CACNA2D1: variants seen among roughly 807,000 people sequenced by gnomAD.
CACNA2D1 encodes the protein calcium voltage-gated channel auxiliary subunit alpha2delta 1, also known as voltage-dependent calcium channel subunit alpha-2/delta-1.
Under a neutral mutation model 171.5 loss-of-function variants are expected in CACNA2D1, and 53 were observed. The ratio of observed to expected loss-of-function variants is 0.31; its 90% confidence interval spans 0.25 to 0.39. The LOEUF (loss-of-function observed/expected upper bound fraction) is 0.39. Ranked by LOEUF, CACNA2D1 falls within the 10% of genes least tolerant of loss-of-function variation. CACNA2D1 has a pLI of 1.00. For synonymous variants in CACNA2D1, 442 were observed against 443.1 expected, an observed-to-expected ratio of 1.00 and a Z score of 0.03; for missense variants, 903 against 1,299.8, an observed-to-expected ratio of 0.69 and a Z score of 4.69.
chr7:82,222,837 A>G (rs942774456), intron 3 of CACNA2D1, among the ~76,000 whole-genome samples: 17 of 151,908 alleles, frequency 1.1e-4, no homozygotes, highest in Admixed American at 2.0e-4. Context: ...ATATCCAAAT[A>G]AAATCAAAAT....
intron 17 of CACNA2D1, 105 bp downstream of exon 17, chr7:82,005,660 G>T: frequency 2.1e-6 from 2 of 930,728 alleles, no homozygotes; most frequent in Non-Finnish European, 1.8e-6. Flanking sequence ...TAGTTCCTTT[G>T]CTAAGATAAC....
At chr7:82,109,281 G>C (rs975677148) in intron 6 of CACNA2D1, among the ~76,000 whole-genome samples, 2 of 151,866 alleles carry the variant, frequency 1.3e-5, no homozygotes, top group Non-Finnish European at 2.9e-5. Context: ...AACTTAAGAA[G>C]GTCCTACTGA....
chr7:82,096,261 G>T (rs1399422066), intron 6 of CACNA2D1, among the ~76,000 whole-genome samples: 1 of 152,066 alleles, frequency 6.6e-6, no homozygotes, highest in Non-Finnish European at 1.5e-5. Flanking sequence ...AAACAAATGG[G>T]TGTGGCTGTG....
chr7:82,163,764 T>C (rs904157575), intron 4 of CACNA2D1, among the ~76,000 whole-genome samples: 8 of 152,102 alleles, frequency 5.3e-5, no homozygotes, highest in South Asian at 2.1e-4. Context: ...ACAACAGTAA[T>C]AGGAGCTGGC....
At chr7:82,332,513 A>AGAAG (rs1263297590) in intron 3 of CACNA2D1, among the ~76,000 whole-genome samples, 2 of 77,816 alleles carry the variant, frequency 2.6e-5, no homozygotes, top group African/African-American at 9.7e-5. Context: ...AGAAATATAA[A>AGAAG]GAAAGAAAGA....
chr7:82,414,584 T>C (rs570140948), intron 1 of CACNA2D1, among the ~76,000 whole-genome samples: 4 of 152,302 alleles, frequency 2.6e-5, no homozygotes, highest in Non-Finnish European at 4.4e-5. Flanking sequence ...TATAGAGCAT[T>C]CCATCCAGGG....
chr7:82,079,161 A>G (rs1809371970), intron 7 of CACNA2D1, among the ~76,000 whole-genome samples: 1 of 152,186 alleles, frequency 6.6e-6, no homozygotes. Flanking sequence ...AATCTGATAA[A>G]TGAAAATCAT....
intron 3 of CACNA2D1, among the ~76,000 whole-genome samples, chr7:82,262,031 T>C (rs1234439202): frequency 6.6e-6 from 1 of 152,200 alleles, no homozygotes; most frequent in Non-Finnish European, 1.5e-5. Flanking sequence ...GGAAGTTTCA[T>C]ATAAAAAATA....
chr7:82,404,726 G>T (rs1164050089), intron 1 of CACNA2D1, among the ~76,000 whole-genome samples: 1 of 152,122 alleles, frequency 6.6e-6, no homozygotes, highest in Non-Finnish European at 1.5e-5. Context: ...CTGCAGAAAA[G>T]AAAATCATAA....
chr7:82,438,777 T>C (rs1830286732), intron 1 of CACNA2D1, among the ~76,000 whole-genome samples: 1 of 152,156 alleles, frequency 6.6e-6, no homozygotes, highest in Admixed American at 6.6e-5. Flanking sequence ...GGCGATATAA[T>C]AGAACAAAGT....
chr7:82,365,304 A>G (rs538627836), intron 1 of CACNA2D1, among the ~76,000 whole-genome samples: 1 of 152,346 alleles, frequency 6.6e-6, no homozygotes, highest in Non-Finnish European at 1.5e-5. Context: ...ATTCATTGCA[A>G]CTTTTAAGGT....
chr7:81,992,415 CGT>C (rs1291432254), intron 20 of CACNA2D1, among the ~76,000 whole-genome samples: 1 of 151,582 alleles, frequency 6.6e-6, no homozygotes. Flanking sequence ...TGAATGTGTG[CGT>C]GTTTGTGTGT....
intron 3 of CACNA2D1, among the ~76,000 whole-genome samples, chr7:82,198,581 C>T (rs1799080576): frequency 6.6e-6 from 1 of 151,904 alleles, no homozygotes; most frequent in Non-Finnish European, 1.5e-5. Context: ...TTTAATGGAC[C>T]TAGGTTGCTA....
rs145954929 is a variant in CACNA2D1 at position 82,259,357 on chromosome 7, T to C, written c.294+75778A>G. 1.4e-4 allele frequency among the ~76,000 whole-genome samples: 21 copies of C among 152,294 alleles called. No individual in the cohort carries two copies. The East Asian group carries it at 3.9e-3, about 28-fold the overall frequency. ...TGTAATAGGGTTAAAATGTAAAATT[T>C]AGTTTTTAAATTTTATTTTAAATTA... On this transcript the variant is annotated intron_variant, in intron 3 of 38. Coordinates refer to ENST00000356860, the MANE Select transcript of CACNA2D1 (RefSeq NM_000722.4).
chr7:82,135,803 C>T (rs1324532683), intron 5 of CACNA2D1, among the ~76,000 whole-genome samples: 2 of 152,014 alleles, frequency 1.3e-5, no homozygotes, highest in African/African-American at 4.8e-5. Context: ...GTGTGAAAGA[C>T]ATGTAATACT....
At chr7:82,042,264 T>C (rs1804059463) in intron 10 of CACNA2D1, among the ~76,000 whole-genome samples, 1 of 152,216 alleles carries the variant, frequency 6.6e-6, no homozygotes, top group Non-Finnish European at 1.5e-5. Flanking sequence ...GTATTATGTA[T>C]GTTTTAAAAA....
At chr7:82,084,930 A>C (rs372811589) in intron 6 of CACNA2D1, 30 bp from the exon 7 acceptor site, 19 of 1,573,014 alleles carry the variant, frequency 1.2e-5, no homozygotes, top group Non-Finnish European at 1.6e-5. Flanking sequence ...CCATTAATTA[A>C]TTCAAATTTG....
At chr7:82,199,700 C>A (rs2129202769) in intron 3 of CACNA2D1, among the ~76,000 whole-genome samples, 1 of 152,092 alleles carries the variant, frequency 6.6e-6, no homozygotes, top group South Asian at 2.1e-4. Context: ...TATAATCTAG[C>A]AATTCTACTC....
intron 6 of CACNA2D1, among the ~76,000 whole-genome samples, chr7:82,096,332 C>A (rs2129027926): frequency 6.6e-6 from 1 of 152,138 alleles, no homozygotes; most frequent in Admixed American, 6.5e-5. Context: ...ACTCCTATAC[C>A]CGAGCTCCAG....
Sources: allele counts gnomAD v4.1 joint callset (sites outside exome capture counted in the v4.1 genomes callset), GRCh38; gene constraint gnomAD v4.1.1; transcripts MANE v1.5; gene names NCBI Gene and HGNC (gene_info 2026-07-23, HGNC 2026-07-21).